Variants in NTN1 observed in about 807,000 individuals in gnomAD.
The protein encoded by NTN1 is netrin 1.
In NTN1, 11 loss-of-function variants were observed where a neutral mutation model predicts 54.2. That is an observed-to-expected ratio of 0.20 (90% CI 0.13 to 0.34). The LOEUF is 0.34. NTN1 is among the 10% of genes least tolerant of loss of function. The probability of loss-of-function intolerance (pLI) is 1.00; values close to 1 mark genes in which losing one functional copy is unlikely to be tolerated. For synonymous variants in NTN1, 371 were observed against 382.0 expected (o/e 0.97, Z 0.33); for missense variants, 740 against 893.1 (o/e 0.83, Z 2.18).
intron 2 of NTN1, among the ~76,000 whole-genome samples, chr17:9,084,582 G>A (rs1405607465): frequency 1.3e-5 from 2 of 151,854 alleles, no homozygotes; most frequent in Non-Finnish European, 2.9e-5. Flanking sequence ...TTGGTGGAAG[G>A]AGACCTCTGG....
In NTN1 at chr17:9,231,803, C is replaced by G. The variant is rs1905825191; in HGVS notation, c.1487-7837C>G. 3.3e-5 allele frequency among the ~76,000 whole-genome samples: 5 copies of G among 150,830 alleles called. No homozygotes were observed. The South Asian group carries it at 1.1e-3, about 32-fold the overall frequency. On this transcript the variant is annotated intron_variant, in intron 6 of 6. Coordinates refer to ENST00000173229, the MANE Select transcript of NTN1 (RefSeq NM_004822.3). ...AGCCTTCTGGGAGCCCCGGAGGGAG[C>G]TGAAGGTGGACTGGATTGAGCCCAT... is the stretch of plus-strand genomic sequence containing the variant.
Position 9,117,334 on chromosome 17 carries a change from G to A in NTN1, c.1019-45479G>A, listed in dbSNP as rs543391655. 1.8e-4 allele frequency among the ~76,000 whole-genome samples: 28 copies of A among 152,266 alleles called. 1 individual carries two copies. Among genetic ancestry groups the A allele is most frequent in the South Asian group, 8.3e-4 (4 of 4,820 alleles). ...CCCAGGGAAGGGCCCGGCCTGGGGC[G>A]GAAACTTGCAGAATGGCTGATGACA... On this transcript the variant is annotated intron_variant, in intron 2 of 6. Transcript: ENST00000173229.
intron 5 of NTN1, among the ~76,000 whole-genome samples, chr17:9,192,192 T>C (rs895844409): frequency 2.6e-5 from 4 of 152,284 alleles, no homozygotes; most frequent in African/African-American, 9.6e-5. Flanking sequence ...CCAAAGGAAA[T>C]AGCAATGTGT....
intron 3 of NTN1, chr17:9,172,708 C>T (rs921700056): frequency 2.0e-5 from 3 of 151,926 alleles, no homozygotes; most frequent in African/African-American, 7.3e-5. Context: ...CATTAGAGAA[C>T]TGCAGGTTAA....
intron 5 of NTN1, among the ~76,000 whole-genome samples, chr17:9,189,418 C>G (rs1338288942): frequency 6.6e-6 from 1 of 152,218 alleles, no homozygotes; most frequent in African/African-American, 2.4e-5. Context: ...GTGGCACAAT[C>G]TCAGCTCACT....
intron 2 of NTN1, among the ~76,000 whole-genome samples, chr17:9,141,430 C>T (rs1005923880): frequency 2.0e-5 from 3 of 152,052 alleles, no homozygotes; most frequent in African/African-American, 4.8e-5. Context: ...TGCCGAGGGG[C>T]CTAGTGAGAG....
At chr17:9,028,252 T>A (rs941191440) in intron 2 of NTN1, among the ~76,000 whole-genome samples, 1 of 152,136 alleles carries the variant, frequency 6.6e-6, no homozygotes, top group Non-Finnish European at 1.5e-5. Flanking sequence ...GGATGGGGGA[T>A]GGTATGTCCC....
At chr17:9,188,651 C>T (rs1347161212) in intron 5 of NTN1, among the ~76,000 whole-genome samples, 3 of 152,002 alleles carry the variant, frequency 2.0e-5, no homozygotes, top group African/African-American at 4.8e-5. Context: ...GAGGGGATGG[C>T]GGAAGTCGTC....
chr17:9,077,922 G>A (rs1310498351), intron 2 of NTN1, among the ~76,000 whole-genome samples: 1 of 152,146 alleles, frequency 6.6e-6, no homozygotes, highest in African/African-American at 2.4e-5. Context: ...GATTGTGGAG[G>A]TCATCCCAAG....
At position 9,023,151 on chromosome 17, in the gene NTN1, G is replaced by C. The variant is rs2091858819; in HGVS notation, c.778G>C (p.Glu260Gln). 3 of 1,564,530 alleles carry C rather than the reference G, an allele frequency of 1.9e-6. No homozygotes were observed. The highest frequency in any genetic ancestry group is 2.6e-6 in the Non-Finnish European group (3 of 1,153,202). ...CAGCCGCCTGCACACGTTCGGCGACGAGAACGAGGACGACTCGGAGCTGGC... is the reference window on the plus strand; with the variant it reads ...CAGCCGCCTGCACACGTTCGGCGACCAGAACGAGGACGACTCGGAGCTGGC... ...AFSRLHTFGDENEDDSELARD... is the reference protein window; with the variant it reads ...AFSRLHTFGDQNEDDSELARD... Residue 260 changes from glutamate to glutamine, a missense_variant, in exon 2 of 7, where the codon GAG becomes CAG. Transcript: ENST00000173229.
At chr17:9,007,349 TTCTC>T in the NTN1 span, among the ~76,000 whole-genome samples, 2 of 149,312 alleles carry the variant, frequency 1.3e-5, no homozygotes, top group South Asian at 2.1e-4. Flanking sequence ...TTCTTTCTCT[TTCTC>T]TCTCTCTTTT....
At chr17:9,029,171 C>T (rs567110118) in intron 2 of NTN1, among the ~76,000 whole-genome samples, 53 of 152,164 alleles carry the variant, frequency 3.5e-4, no homozygotes, top group African/African-American at 1.3e-3. Context: ...TTTAAAATGT[C>T]CGTCCATGGT....
intron 2 of NTN1, among the ~76,000 whole-genome samples, chr17:9,099,788 C>A (rs1325093070): frequency 2.0e-5 from 3 of 152,052 alleles, no homozygotes; most frequent in Non-Finnish European, 4.4e-5. Flanking sequence ...TTTAAAAAAT[C>A]TTTACCTATG....
At chr17:9,193,102 G>GAA (rs966579541) in intron 5 of NTN1, among the ~76,000 whole-genome samples, 76 of 93,100 alleles carry the variant, frequency 8.2e-4, no homozygotes, top group South Asian at 1.3e-3. Flanking sequence ...AAAAGAAAAA[G>GAA]AAAAAAAAGC....
intron 6 of NTN1, among the ~76,000 whole-genome samples, chr17:9,235,678 G>A (rs1203902663): frequency 6.6e-6 from 1 of 152,000 alleles, no homozygotes; most frequent in Admixed American, 6.5e-5. Context: ...CTGCCTTCTT[G>A]CTGTGTCCTC....
Position 9,227,290 on chromosome 17 carries a change from CACACAT to C in NTN1, c.1486+6054_1486+6059del, listed in dbSNP as rs913848362. 3.7e-4 allele frequency among the ~76,000 whole-genome samples: 56 copies of C among 151,052 alleles called. 1 individual carries two copies. The highest frequency in any genetic ancestry group is 1.1e-3 in the African/African-American group (44 of 40,750). On this transcript the variant is annotated intron_variant, in intron 6 of 6. Transcript: ENST00000173229. Reference sequence around the variant, plus strand: ...GGCACATATACCACATGCACGCATACACACATACACAATCACAAACACACCACACAC... The same window carrying C: ...GGCACATATACCACATGCACGCATACACACAATCACAAACACACCACACAC...
At chr17:9,011,108 C>T in the NTN1 span, among the ~76,000 whole-genome samples, 10 of 152,156 alleles carry the variant, frequency 6.6e-5, no homozygotes, top group Non-Finnish European at 1.2e-4. Context: ...GAATCTAACG[C>T]AGCTGAAGAT....
In NTN1 at chr17:9,239,668, C is replaced by T; in HGVS notation, c.1515C>T (p.Asp505=). The T allele has an allele frequency of 6.2e-7, 1 of 1,611,970 alleles. No individual in the cohort carries two copies. The highest frequency in any genetic ancestry group is 2.2e-5 in the East Asian group (1 of 44,806). Residue 505 remains aspartate, a synonymous_variant, in exon 7 of 7, where the codon GAC becomes GAT. Coordinates refer to ENST00000173229, the MANE Select transcript of NTN1 (RefSeq NM_004822.3). The surrounding 1 kb of genome is among the most constrained non-coding windows in gnomAD (Gnocchi z 5.2). The stretch of plus-strand genomic sequence containing the variant: ...TCCAGATCCACATCCTGAAGGCGGA[C>T]AAGGCGGGGGACTGGTGGAAGTTCA... ...YAVQIHILKA[D]KAGDWWKFTV... is the part of the protein sequence containing the mutation.
chr17:9,092,374 C>G (rs1009646497), intron 2 of NTN1, among the ~76,000 whole-genome samples: 8 of 142,268 alleles, frequency 5.6e-5, no homozygotes, highest in African/African-American at 2.2e-4. Flanking sequence ...TGCAACCTCT[C>G]CCTCCCAGAT....
Sources: allele counts gnomAD v4.1 joint callset (sites outside exome capture counted in the v4.1 genomes callset), GRCh38; gene constraint gnomAD v4.1.1; non-coding constraint Gnocchi (gnomAD v3.1); transcripts MANE v1.5; gene names NCBI Gene and HGNC (gene_info 2026-07-23, HGNC 2026-07-21).